BTBD8: variants seen among roughly 807,000 people sequenced by gnomAD.
BTBD8 encodes the protein BTB/POZ domain-containing protein 8.
BTBD8 carries 110 observed loss-of-function variants against 162.9 expected under a neutral mutation model. The observed-to-expected ratio is 0.68, with a 90% CI of 0.58 to 0.79. The LOEUF (loss-of-function observed/expected upper bound fraction) is 0.79, where lower values mean the gene tolerates loss of function less well. BTBD8 is among the 30% of genes least tolerant of loss of function. BTBD8 has a pLI of 0.00. For synonymous variants in BTBD8, 667 were observed against 716.1 expected (o/e 0.93, Z 1.10); for missense variants, 1,905 against 2,085.4 (o/e 0.91, Z 1.68).
intron 4 of BTBD8, among the ~76,000 whole-genome samples, chr1:92,127,169 T>G (rs763179497): frequency 6.6e-5 from 10 of 152,194 alleles, no homozygotes; most frequent in Non-Finnish European, 1.2e-4. Flanking sequence ...CCTTTTAAGT[T>G]TGGAACCAAA....
intron 4 of BTBD8, among the ~76,000 whole-genome samples, chr1:92,116,798 A>G (rs1197472414): frequency 6.6e-6 from 1 of 150,798 alleles, no homozygotes; most frequent in Non-Finnish European, 1.5e-5. Context: ...GGAGTAGACT[A>G]TTTGACTATT....
chr1:92,170,427 C>A (rs1195187755), intron 12 of BTBD8, among the ~76,000 whole-genome samples: 1 of 151,928 alleles, frequency 6.6e-6, no homozygotes, highest in East Asian at 1.9e-4. Flanking sequence ...GAGTTACTGA[C>A]CTTTGGGAGA....
intron 7 of BTBD8, among the ~76,000 whole-genome samples, chr1:92,146,557 G>T (rs1410618833): frequency 6.6e-6 from 1 of 152,126 alleles, no homozygotes; most frequent in African/African-American, 2.4e-5. Context: ...TACCATTATA[G>T]TATCATACGG....
At chr1:92,091,695 G>C (rs1285959786) in intron 2 of BTBD8, among the ~76,000 whole-genome samples, 2 of 152,062 alleles carry the variant, frequency 1.3e-5, no homozygotes, top group Non-Finnish European at 2.9e-5. Flanking sequence ...TGAGTCTCCC[G>C]AGTAGCAGAG....
At chr1:92,125,424 C>G (rs1374052516) in intron 4 of BTBD8, 4 of 295,548 alleles carry the variant, frequency 1.4e-5, no homozygotes, top group African/African-American at 8.9e-5. Context: ...TTATGTACTG[C>G]TCAACCCGAG....
rs375670159 is a variant in BTBD8, at chr1:92,159,158, TTTTC to T, written c.1123-7784_1123-7781del. Reference sequence around the variant, plus strand: ...CTTCGTTTGTTTACATATATTTTTCTTTTCTTTCTTTCTTTCTTTTTTTTTTTTT... The same window carrying T: ...CTTCGTTTGTTTACATATATTTTTCTTTTCTTTCTTTCTTTTTTTTTTTTT... On this transcript the variant is annotated intron_variant, in intron 9 of 17. Coordinates refer to ENST00000636805, the MANE Select transcript of BTBD8 (RefSeq NM_001376131.1). 7.7e-3 allele frequency among the ~76,000 whole-genome samples: 1,167 copies of T among 151,502 alleles called. 11 individuals carry two copies. The highest frequency in any genetic ancestry group is 0.026 in the African/African-American group (1,058 of 41,102).
At chr1:92,097,966 A>T (rs990944547) in intron 2 of BTBD8, among the ~76,000 whole-genome samples, 2 of 152,210 alleles carry the variant, frequency 1.3e-5, no homozygotes, top group African/African-American at 2.4e-5. Context: ...CCCAGCGATG[A>T]GTTGTGACAA....
chr1:92,115,324 T>G, intron 4 of BTBD8: 1 of 455,638 alleles, frequency 2.2e-6, no homozygotes, highest in Non-Finnish European at 4.2e-6. Context: ...ATGGATGATC[T>G]TGACCAGGGA....
In BTBD8 at chr1:92,141,064, T is replaced by C. The variant is rs111604190; in HGVS notation, c.834-51T>C. ...ATTATCAATAAATTAGTATGTGTTG[T>C]GCCTTGATTTTTAAATTGGAGAATT... is the stretch of plus-strand genomic sequence containing the variant. On this transcript the variant is annotated intron_variant, in intron 6 of 17. Transcript: ENST00000636805. 4.8e-6 allele frequency: 7 copies of C among 1,465,966 alleles called. No individual in the cohort carries two copies. In the East Asian group the frequency reaches 1.5e-4, roughly 31 times the overall value. 90.8% of individuals were successfully genotyped at this position (1,465,966 alleles called of 1,614,324 possible).
Position 92,146,216 on chromosome 1 carries a change from A to AG in BTBD8, c.931-964_931-963insG, listed in dbSNP as rs1167888050. On this transcript the variant is annotated intron_variant, in intron 7 of 17. Transcript: ENST00000636805. ...AAAATCGTGTGCATTCTTGACAGCC[A>AG]AAGAGTTCAAATGATATGCCATAAA... Among the ~76,000 whole-genome samples, 3 of 12,720 alleles carry AG rather than the reference A, an allele frequency of 2.4e-4. No individual in the cohort carries two copies. In the African/African-American group the frequency reaches 6.8e-3, roughly 29 times the overall value. 8.3% of individuals were successfully genotyped at this position (12,720 alleles called of 152,430 possible).
chr1:92,170,969 A>C (rs1650523283), intron 12 of BTBD8, among the ~76,000 whole-genome samples: 1 of 151,858 alleles, frequency 6.6e-6, no homozygotes, highest in Admixed American at 6.6e-5. Context: ...TTTAATTTCA[A>C]GAGTATTTTT....
At chr1:92,115,335 G>A (rs1397822849) in intron 4 of BTBD8, 4 of 453,436 alleles carry the variant, frequency 8.8e-6, no homozygotes, top group Non-Finnish European at 1.7e-5. Flanking sequence ...TGACCAGGGA[G>A]CTAAGCAGTT....
intron 7 of BTBD8, among the ~76,000 whole-genome samples, chr1:92,142,610 C>G (rs972673371): frequency 9.9e-5 from 15 of 152,202 alleles, no homozygotes; most frequent in Middle Eastern, 3.2e-3. Flanking sequence ...GGAGTCCACT[C>G]TGCACCCCGG....
chr1:92,091,561 GTC>G (rs1417711862), intron 2 of BTBD8, among the ~76,000 whole-genome samples: 3 of 151,464 alleles, frequency 2.0e-5, no homozygotes, highest in Non-Finnish European at 4.4e-5. Context: ...TTTAGACGGA[GTC>G]TCGCTCTGTC....
At chr1:92,147,590 A>G (rs1023772029) in intron 8 of BTBD8, 94 bp from the exon 9 acceptor site, 2 of 868,660 alleles carry the variant, frequency 2.3e-6, no homozygotes, top group East Asian at 2.5e-5. Context: ...CAGGTCATAT[A>G]TATGTACAGT....
chr1:92,180,025 TA>T (rs1650837307), intron 16 of BTBD8, among the ~76,000 whole-genome samples: 1 of 152,178 alleles, frequency 6.6e-6, no homozygotes, highest in African/African-American at 2.4e-5. Context: ...GATCCTATTT[TA>T]GTAATTTTTA....
At position 92,177,406 on chromosome 1, in the gene BTBD8, T is replaced by A; in HGVS notation, c.2213T>A (p.Ile738Asn). Reference sequence around the variant, plus strand: ...ACAGATTCAAGTATGGAATTCTCAATTTCCACTGAATGTCTGGATGAACCG... The same window carrying A: ...ACAGATTCAAGTATGGAATTCTCAAATTCCACTGAATGTCTGGATGAACCG... The part of the protein sequence containing the change: ...RSTDSSMEFS[I>N]STECLDEPKE... Residue 738 changes from isoleucine (I) to asparagine (N), a missense_variant, in exon 14 of 18, where the codon ATT becomes AAT. Ile to Asn is a moderately radical substitution (Grantham distance 149, BLOSUM62 -3). Transcript: ENST00000636805. 6.4e-7 allele frequency: 1 copy of A among 1,551,720 alleles called. No individual in the cohort carries two copies. The highest frequency in any genetic ancestry group is 8.7e-7 in the Non-Finnish European group (1 of 1,147,000).
rs775157570 is a variant in BTBD8 at position 92,080,614 on chromosome 1, C to T, written c.43C>T (p.Leu15=). The change falls in exon 1 of 18, where the codon CTG becomes TTG. Residue 15 remains leucine, a synonymous_variant. Transcript: ENST00000636805. ...AGGCAGTGCGGCCCCCATGGTACTTCTGGGGTCCGCTGGAGTTTGCAGTAA... is the reference window on the plus strand; with the variant it reads ...AGGCAGTGCGGCCCCCATGGTACTTTTGGGGTCCGCTGGAGTTTGCAGTAA... ...GEGSAAPMVL[L]GSAGVCSKGL... The T allele has an allele frequency of 1.9e-6, 3 of 1,613,898 alleles. No homozygotes were observed. Among genetic ancestry groups the T allele is most frequent in the South Asian group, 1.1e-5 (1 of 91,082 alleles).
chr1:92,114,032 A>T (rs1388131698), intron 4 of BTBD8, among the ~76,000 whole-genome samples: 1 of 145,712 alleles, frequency 6.9e-6, no homozygotes, highest in Non-Finnish European at 1.5e-5. Context: ...AAAAAAAAAG[A>T]TTAGAGGGGT....
Sources: gnomAD v4.1 joint callset for allele counts (sites outside exome capture counted in the v4.1 genomes callset) on GRCh38, gnomAD v4.1.1 for gene constraint, MANE v1.5 for transcripts, NCBI Gene and HGNC (gene_info 2026-07-23, HGNC 2026-07-21) for gene names.